The following NYX variants were observed in gnomAD, a reference collection of about 807,000 sequenced individuals.
The protein encoded by NYX is leucine-rich repeat protein.
For synonymous variants in NYX, 258 were observed against 245.7 expected (o/e 1.05, Z -0.47); for missense variants, 481 against 485.4 (o/e 0.99, Z 0.09).
intron 2 of NYX, among the ~76,000 whole-genome samples, chrX:41,473,246 T>C (rs756838660): frequency 4.3e-4 from 48 of 111,132 alleles, no homozygotes; most frequent in South Asian, 1.1e-3. Context: ...CTGCAGGGAT[T>C]GCAGCTGGGT....
chrX:41,468,271 A>T lies in NYX; in HGVS notation c.23-5220A>T, dbSNP rs773439416. Among the ~76,000 whole-genome samples, 21 of 105,274 alleles carry T rather than the reference A, an allele frequency of 2.0e-4. No individual in the cohort carries two copies. In the South Asian group the frequency reaches 4.3e-3, roughly 21 times the overall value. The allele number at this position is 105,274 out of a possible 115,157, so 91.4% of individuals were successfully genotyped here. ...GTTGTATCCTGACTGTTGTAATCCC[A>T]GGAGTTCCTTGACAAATAATTTTTT... On this transcript the variant is annotated intron_variant, in intron 2 of 2. Transcript: ENST00000378220.
intron 2 of NYX, chrX:41,472,322 A>C (rs2064364203): frequency 1.7e-6 from 2 of 1,149,689 alleles, no homozygotes; most frequent in African/African-American, 3.6e-5. Context: ...TTGCACACCT[A>C]TGGGAGTCTG....
chrX:41,456,112 C>T (rs768396189), intron 2 of NYX, among the ~76,000 whole-genome samples: 13 of 111,230 alleles, frequency 1.2e-4, no homozygotes, highest in Non-Finnish European at 2.5e-4. Context: ...CTGAGGAGAG[C>T]GGATCACTTG....
chrX:41,455,412 A>ATT (rs199582885), intron 2 of NYX, among the ~76,000 whole-genome samples: 1 of 101,828 alleles, frequency 9.8e-6, no homozygotes, highest in African/African-American at 3.6e-5. Context: ...CAGCCTGAGG[A>ATT]TTTTTTTTTT....
At chrX:41,466,600 C>G (rs1366151756) in intron 2 of NYX, among the ~76,000 whole-genome samples, 3 of 105,150 alleles carry the variant, frequency 2.9e-5, no homozygotes, top group Non-Finnish European at 3.9e-5. Flanking sequence ...GCTCTTGTAG[C>G]CCAGGCTGGA....
At chrX:41,466,592 T>A (rs2064339245) in intron 2 of NYX, among the ~76,000 whole-genome samples, 1 of 104,758 alleles carries the variant, frequency 9.5e-6, no homozygotes, top group South Asian at 4.3e-4. Flanking sequence ...AGAGTTTCGC[T>A]CTTGTAGCCC....
At position 41,475,519 on chromosome X, in the gene NYX, C is replaced by T. The variant is rs191505759; in HGVS notation, c.*620C>T. On this transcript the variant is annotated 3_prime_UTR_variant, in exon 3 of 3. Transcript: ENST00000378220. ...AGTTCATTTACTCCACAGTTATTCCCAGGGCTGGCCCTAGCCACAAAGGAA... is the reference window on the plus strand; with the variant it reads ...AGTTCATTTACTCCACAGTTATTCCTAGGGCTGGCCCTAGCCACAAAGGAA... 1 of 111,550 alleles carries T rather than the reference C, an allele frequency of 9.0e-6. No individual in the cohort carries two copies. Among genetic ancestry groups the T allele is most frequent in the African/African-American group, 3.3e-5 (1 of 30,611 alleles). The allele number at this position is 111,550 out of a possible 1,213,427, so 9.2% of individuals were successfully genotyped here.
chrX:41,474,302 C>T lies in NYX; in HGVS notation c.834C>T (p.Leu278=). Residue 278 remains leucine, a synonymous_variant, in exon 3 of 3, where the codon CTC becomes CTT. Coordinates refer to ENST00000378220, the MANE Select transcript of NYX (RefSeq NM_001378477.3). ...WFADLAELEL[L]YLDRNSIAFV... ...CTGACCTGGCCGAGCTCGAGCTGCT[C>T]TACCTGGACCGCAACAGCATCGCCT... 1 of 1,208,255 alleles carries T rather than the reference C, an allele frequency of 8.3e-7. No individual in the cohort carries two copies. The highest frequency in any genetic ancestry group is 1.1e-6 in the Non-Finnish European group (1 of 895,426).
intron 2 of NYX, among the ~76,000 whole-genome samples, chrX:41,466,970 T>C (rs755795852): frequency 9.2e-6 from 1 of 108,278 alleles, no homozygotes; most frequent in East Asian, 2.9e-4. Context: ...TAATTTTTGT[T>C]TGTTTGTAGT....
chrX:41,473,532 T>C lies in NYX; in HGVS notation c.64T>C (p.Cys22Arg). The C allele has an allele frequency of 2.0e-6, 2 of 997,729 alleles. No individual in the cohort carries two copies. The highest frequency in any genetic ancestry group is 2.5e-6 in the Non-Finnish European group (2 of 788,672). The allele number at this position is 997,729 out of a possible 1,213,427, so 82.2% of individuals were successfully genotyped here. The change falls in exon 3 of 3, where the codon TGC becomes CGC. Residue 22 changes from cysteine to arginine, a missense_variant. Transcript: ENST00000378220. ...GCCCAGCGCCTGGGCCGTGGGGGCC[T>C]GCGCCCGCGCTTGTCCCGCCGCCTG... ...GLPSAWAVGA[C>R]ARACPAACAC...
rs994119129 is a variant in NYX at position 41,452,037 on chromosome X, G to A, written c.22+4111G>A. Among the ~76,000 whole-genome samples, 35 of 110,868 alleles carry A rather than the reference G, an allele frequency of 3.2e-4. No homozygotes were observed. The Admixed American group carries it at 3.4e-3, about 11-fold the overall frequency. ...TGCCCAGGCTGGAGTGTAGTGGTGC[G>A]ATTATGGCTCACTGCAGCCTCAACC... is the stretch of plus-strand genomic sequence containing the variant. On this transcript the variant is annotated intron_variant, in intron 2 of 2. Transcript: ENST00000378220.
intron 2 of NYX, among the ~76,000 whole-genome samples, chrX:41,462,869 G>A (rs1289156931): frequency 8.9e-6 from 1 of 111,923 alleles, no homozygotes; most frequent in African/African-American, 3.2e-5. Flanking sequence ...TGAGATATGT[G>A]ACTTACAAAT....
intron 2 of NYX, among the ~76,000 whole-genome samples, chrX:41,464,696 T>TGTGTGTG (rs58499732): frequency 1.8e-5 from 2 of 110,504 alleles, no homozygotes; most frequent in Admixed American, 9.8e-5. Flanking sequence ...TGTGTGTGTG[T>TGTGTGTG]TTTATGTTAC....
Position 41,474,628 on chromosome X carries a change from T to C in NYX, c.1160T>C (p.Leu387Pro). 4 of 1,200,062 alleles carry C rather than the reference T, an allele frequency of 3.3e-6. No homozygotes were observed. Among genetic ancestry groups the C allele is most frequent in the East Asian group, 3.0e-5 (1 of 33,392 alleles). The change falls in exon 3 of 3, where the codon CTG becomes CCG. Residue 387 changes from leucine to proline, a missense_variant. Transcript: ENST00000378220. ...GGCCTCTGTGTGGACCCCGAGGAGC[T>C]GAACCTCACCACGTCCAGTCCAGGC... is the stretch of plus-strand genomic sequence containing the variant. ...SDGLCVDPEE[L>P]NLTTSSPGPS...
chrX:41,460,876 A>ATTTTTTTTTTT (rs59383905), intron 2 of NYX, among the ~76,000 whole-genome samples: 4 of 24,781 alleles, frequency 1.6e-4, no homozygotes, highest in African/African-American at 6.1e-4. Flanking sequence ...CACAGTATGT[A>ATTTTTTTTTTT]TTTTTTTTTT....
Position 41,474,853 on chromosome X carries a change from T to C in NYX, c.1385T>C (p.Leu462Pro). The change falls in exon 3 of 3, where the codon CTG becomes CCG. Residue 462 changes from leucine to proline, a missense_variant. Leu to Pro is a moderately conservative substitution (Grantham distance 98, BLOSUM62 -3). Transcript: ENST00000378220. ...QPWFLLASCL[L>P]PSVAQHVVFG... Reference sequence around the variant, plus strand: ...TGGTTTCTCCTCGCCTCTTGTCTCCTGCCCAGCGTGGCCCAGCACGTGGTG... The same window carrying C: ...TGGTTTCTCCTCGCCTCTTGTCTCCCGCCCAGCGTGGCCCAGCACGTGGTG... The C allele has an allele frequency of 8.3e-7, 1 of 1,207,208 alleles. No individual in the cohort carries two copies. Among genetic ancestry groups the C allele is most frequent in the Non-Finnish European group, 1.1e-6 (1 of 894,145 alleles).
chrX:41,472,355 G>C (rs1216916507), intron 2 of NYX: 49 of 1,150,702 alleles, frequency 4.3e-5, no homozygotes, highest in Non-Finnish European at 5.5e-5. Context: ...ATAGAAGTTG[G>C]CCACATCCAT....
chrX:41,464,145 A>C (rs1602176057), intron 2 of NYX, among the ~76,000 whole-genome samples: 1 of 75,855 alleles, frequency 1.3e-5, no homozygotes, highest in African/African-American at 4.9e-5. Context: ...CACTAATCCC[A>C]TTCTTTTTTT....
rs2064379171 is a variant in NYX, at chrX:41,474,321, A to G, written c.853A>G (p.Ile285Val). Residue 285 changes from isoleucine (I) to valine (V), a missense_variant, in exon 3 of 3, where the codon ATC becomes GTC. Ile to Val is a conservative substitution (Grantham distance 29, BLOSUM62 3). Transcript: ENST00000378220. Reference sequence around the variant, plus strand: ...GCTGCTCTACCTGGACCGCAACAGCATCGCCTTCGTGGAGGAGGGCGCCTT... The same window carrying G: ...GCTGCTCTACCTGGACCGCAACAGCGTCGCCTTCGTGGAGGAGGGCGCCTT... ...LELLYLDRNS[I>V]AFVEEGAFQN... 1.7e-6 allele frequency: 2 copies of G among 1,208,517 alleles called. No homozygotes were observed. Among genetic ancestry groups the G allele is most frequent in the Non-Finnish European group, 2.2e-6 (2 of 895,360 alleles).
Sources: gnomAD v4.1 joint callset for allele counts (sites outside exome capture counted in the v4.1 genomes callset) on GRCh38, gnomAD v4.1.1 for gene constraint, MANE v1.5 for transcripts, NCBI Gene and HGNC (gene_info 2026-07-23, HGNC 2026-07-21) for gene names.